FBXW7: variants seen among roughly 807,000 people sequenced by gnomAD.
FBXW7 encodes F-box and WD repeat domain containing 7.
FBXW7 carries 11 observed loss-of-function variants against 86.3 expected under a neutral mutation model. The observed-to-expected ratio is 0.13, with a 90% CI of 0.08 to 0.21. FBXW7 has a LOEUF of 0.21. Among genes scored for constraint, FBXW7 ranks in the 10% least tolerant of loss-of-function variants. The pLI is 1.00. For missense variants in FBXW7, 488 were observed against 847.4 expected (o/e 0.58, Z 5.27); for synonymous variants, 313 against 297.9 (o/e 1.05, Z -0.52).
chr4:152,360,836 A>T (rs1174916160), intron 4 of FBXW7, among the ~76,000 whole-genome samples: 2 of 146,540 alleles, frequency 1.4e-5, no homozygotes, highest in African/African-American at 4.9e-5. Context: ...AAATATATTA[A>T]ATATATATAT....
chr4:152,466,941 C>T (rs1377243440), intron 2 of FBXW7, among the ~76,000 whole-genome samples: 1 of 150,772 alleles, frequency 6.6e-6, no homozygotes, highest in Non-Finnish European at 1.5e-5. Flanking sequence ...GATTCCGTCT[C>T]AAAATAATAA....
At chr4:152,390,114 A>AT (rs956191082) in intron 4 of FBXW7, among the ~76,000 whole-genome samples, 2 of 150,872 alleles carry the variant, frequency 1.3e-5, no homozygotes, top group African/African-American at 4.9e-5. Flanking sequence ...GTGTTTATAT[A>AT]TTTTTTTCCT....
chr4:152,356,160 T>C (rs1732366066), intron 4 of FBXW7, among the ~76,000 whole-genome samples: 1 of 152,186 alleles, frequency 6.6e-6, no homozygotes, highest in Non-Finnish European at 1.5e-5. Flanking sequence ...TAGTTCATTG[T>C]CATTATTTTT....
chr4:152,452,625 G>A (rs1223053029), intron 2 of FBXW7, among the ~76,000 whole-genome samples: 2 of 151,982 alleles, frequency 1.3e-5, no homozygotes, highest in East Asian at 1.9e-4. Flanking sequence ...ATAAATACAC[G>A]TTGAAAAAGA....
At chr4:152,392,841 C>T (rs1050822110) in intron 4 of FBXW7, among the ~76,000 whole-genome samples, 6 of 152,114 alleles carry the variant, frequency 3.9e-5, no homozygotes, top group Admixed American at 3.3e-4. Context: ...GTGACAATTT[C>T]CCACCTTGAC....
At chr4:152,454,261 C>A (rs6820601) in intron 2 of FBXW7, among the ~76,000 whole-genome samples, 2 of 129,520 alleles carry the variant, frequency 1.5e-5, no homozygotes, top group African/African-American at 2.8e-5. Flanking sequence ...GCCCCCCCCC[C>A]CTTTTTTTTT....
At chr4:152,423,023 T>C (rs534866192) in intron 2 of FBXW7, among the ~76,000 whole-genome samples, 3 of 152,324 alleles carry the variant, frequency 2.0e-5, no homozygotes, top group Admixed American at 6.5e-5. Context: ...AGCATATTCA[T>C]CTGGTCTCTT....
chr4:152,405,807 T>G (rs535327952), intron 4 of FBXW7, among the ~76,000 whole-genome samples: 55 of 152,240 alleles, frequency 3.6e-4, no homozygotes, highest in African/African-American at 1.3e-3. Flanking sequence ...GCCACTTTTC[T>G]ATCCACTGAC....
intron 4 of FBXW7, among the ~76,000 whole-genome samples, chr4:152,386,459 TTAC>T (rs1400802987): frequency 2.0e-5 from 3 of 152,192 alleles, no homozygotes; most frequent in South Asian, 2.1e-4. Context: ...GTCATTATGA[TTAC>T]TACTACTATT....
At chr4:152,371,343 C>G (rs1299370112) in intron 4 of FBXW7, among the ~76,000 whole-genome samples, 1 of 151,876 alleles carries the variant, frequency 6.6e-6, no homozygotes, top group Admixed American at 6.6e-5. Flanking sequence ...AATCACTAAG[C>G]TGTGCCTGAT....
At chr4:152,347,307 T>C (rs1672779176) in intron 5 of FBXW7, among the ~76,000 whole-genome samples, 1 of 152,174 alleles carries the variant, frequency 6.6e-6, no homozygotes, top group Non-Finnish European at 1.5e-5. Context: ...CCAGAAATGC[T>C]AATTGCAACC....
At chr4:152,525,375 C>A (rs768122038) in intron 2 of FBXW7, among the ~76,000 whole-genome samples, 1 of 152,108 alleles carries the variant, frequency 6.6e-6, no homozygotes, top group Admixed American at 6.6e-5. Flanking sequence ...ACACATGTCA[C>A]GAGGGTGTGC....
At chr4:152,497,326 A>AG (rs1373331811) in intron 2 of FBXW7, among the ~76,000 whole-genome samples, 2 of 140,576 alleles carry the variant, frequency 1.4e-5, no homozygotes, top group African/African-American at 5.5e-5. Context: ...CATCTCAAAA[A>AG]AAAAAAAAAA....
intron 4 of FBXW7, among the ~76,000 whole-genome samples, chr4:152,357,281 C>T (rs1732476248): frequency 6.6e-6 from 1 of 151,274 alleles, no homozygotes; most frequent in South Asian, 2.1e-4. Context: ...TAGCTGACTG[C>T]TTTTAAATAA....
chr4:152,418,127 CCACACACACACACA>C (rs3047865), intron 2 of FBXW7, among the ~76,000 whole-genome samples: 7 of 143,844 alleles, frequency 4.9e-5, no homozygotes, highest in African/African-American at 7.7e-5. Context: ...ACAGCTCTTA[CCACACACACACACA>C]CACACACACA....
intron 2 of FBXW7, among the ~76,000 whole-genome samples, chr4:152,436,444 T>C (rs72955060): frequency 0.02 from 3,050 of 152,252 alleles, 91 homozygotes; most frequent in Admixed American, 0.065. Flanking sequence ...TGATAACATA[T>C]AAGTACAAGG....
intron 2 of FBXW7, among the ~76,000 whole-genome samples, chr4:152,520,389 C>T (rs1211779329): frequency 6.7e-6 from 1 of 149,582 alleles, no homozygotes; most frequent in African/African-American, 2.5e-5. Flanking sequence ...GCCGAGATTG[C>T]GCCACTGCAG....
chr4:152,382,982 C>T (rs1472047566), intron 4 of FBXW7, among the ~76,000 whole-genome samples: 1 of 152,092 alleles, frequency 6.6e-6, no homozygotes, highest in African/African-American at 2.4e-5. Context: ...TCCATACACA[C>T]CATTCTTTAT....
intron 4 of FBXW7, among the ~76,000 whole-genome samples, chr4:152,384,144 T>C (rs774312098): frequency 2.0e-5 from 3 of 152,058 alleles, no homozygotes; most frequent in Non-Finnish European, 4.4e-5. Context: ...AATTTAAACA[T>C]AAAATCAGCA....
Sources: allele counts gnomAD v4.1 joint callset (sites outside exome capture counted in the v4.1 genomes callset), GRCh38; gene constraint gnomAD v4.1.1; transcripts MANE v1.5; gene names NCBI Gene and HGNC (gene_info 2026-07-23, HGNC 2026-07-21).